Variants in SPAG16 observed in about 807,000 individuals in gnomAD.
The protein encoded by SPAG16 is sperm associated antigen 16.
In SPAG16, 86 loss-of-function variants were observed where a neutral mutation model predicts 80.4. The ratio of observed to expected loss-of-function variants is 1.07; its 90% CI spans 0.90 to 1.28. SPAG16 has a LOEUF of 1.28. Among genes scored for constraint, SPAG16 ranks in the 50% most tolerant of loss-of-function variants. The pLI is 0.00. For synonymous variants in SPAG16, 294 were observed against 265.9 expected, an observed-to-expected ratio of 1.11 and a Z score of -1.03; for missense variants, 870 against 765.3, an observed-to-expected ratio of 1.14 and a Z score of -1.61.
At chr2:213,629,939 T>A (rs1224106638) in intron 10 of SPAG16, among the ~76,000 whole-genome samples, 1 of 152,216 alleles carries the variant, frequency 6.6e-6, no homozygotes. Flanking sequence ...CTTCAGAAAC[T>A]CCATCTTCTT....
intron 15 of SPAG16, among the ~76,000 whole-genome samples, chr2:214,364,552 C>T (rs969144689): frequency 3.9e-5 from 6 of 152,034 alleles, no homozygotes; most frequent in African/African-American, 9.7e-5. Flanking sequence ...GTATCCTCAC[C>T]GTCTTTGCAA....
intron 12 of SPAG16, among the ~76,000 whole-genome samples, chr2:213,948,703 A>G (rs1220619596): frequency 6.6e-6 from 1 of 152,116 alleles, no homozygotes; most frequent in African/African-American, 2.4e-5. Flanking sequence ...AAATTACTCC[A>G]TGGAGCCCCT....
rs146333971 is a variant in SPAG16, at chr2:214,108,933, C to T, written c.1593+672C>T. On this transcript the variant is annotated intron_variant, in intron 14 of 15. Transcript: ENST00000331683. ...AATGTATCCCTCCAAGTTTATGTGT[C>T]GCAAACTTAATCCCCAATGCAAGAG... Among the ~76,000 whole-genome samples, 78 of 152,234 alleles carry T rather than the reference C, an allele frequency of 5.1e-4. 1 individual carries two copies. The highest frequency in any genetic ancestry group is 1.7e-3 in the African/African-American group (70 of 41,536).
chr2:213,366,898 AT>A (rs776787059), intron 8 of SPAG16, among the ~76,000 whole-genome samples: 51 of 152,036 alleles, frequency 3.4e-4, no homozygotes, highest in Non-Finnish European at 1.2e-4. Context: ...TTAACTCATC[AT>A]TTACATTAGA....
chr2:213,723,411 G>A (rs1442232313), intron 10 of SPAG16, among the ~76,000 whole-genome samples: 1 of 152,094 alleles, frequency 6.6e-6, no homozygotes, highest in African/African-American at 2.4e-5. Flanking sequence ...TCCATGCTAC[G>A]CCTTCTGTCT....
chr2:213,447,293 C>T (rs2071378274), intron 9 of SPAG16, among the ~76,000 whole-genome samples: 2 of 152,278 alleles, frequency 1.3e-5, no homozygotes, highest in South Asian at 2.1e-4. Context: ...GGGCATTACC[C>T]CCACAAGGCC....
At chr2:213,631,702 G>A (rs779548699) in intron 10 of SPAG16, among the ~76,000 whole-genome samples, 18 of 152,126 alleles carry the variant, frequency 1.2e-4, no homozygotes, top group Admixed American at 4.6e-4. Context: ...TTCTGCTTAC[G>A]GATATCTGGT....
intron 10 of SPAG16, among the ~76,000 whole-genome samples, chr2:213,519,397 T>C (rs1324549758): frequency 2.0e-5 from 3 of 152,190 alleles, no homozygotes; most frequent in South Asian, 2.1e-4. Context: ...AATTGAATCA[T>C]GGGGGCAGGT....
intron 10 of SPAG16, among the ~76,000 whole-genome samples, chr2:213,704,485 C>T (rs1282997967): frequency 2.0e-5 from 3 of 152,168 alleles, no homozygotes; most frequent in Non-Finnish European, 2.9e-5. Flanking sequence ...CTCTGCTACT[C>T]TGTCTCTCAA....
intron 10 of SPAG16, among the ~76,000 whole-genome samples, chr2:213,686,254 G>A (rs1215246708): frequency 6.6e-6 from 1 of 152,126 alleles, no homozygotes; most frequent in African/African-American, 2.4e-5. Context: ...GAGCAGCTGG[G>A]ACTATAGGTG....
chr2:214,106,674 C>T (rs2053399897), intron 13 of SPAG16, among the ~76,000 whole-genome samples: 1 of 139,378 alleles, frequency 7.2e-6, no homozygotes, highest in Non-Finnish European at 1.7e-5. Flanking sequence ...GATGATCTAC[C>T]TTTGGTAGCT....
At chr2:213,724,782 AAAAAAAAAAAAAAAAAAAAG>A (rs2066684784) in intron 10 of SPAG16, among the ~76,000 whole-genome samples, 1 of 131,086 alleles carries the variant, frequency 7.6e-6, no homozygotes, top group African/African-American at 3.0e-5. Flanking sequence ...GTCTCAAAAA[AAAAAAAAAAAAAAAAAAAAG>A]AAAAAAGGAT....
At chr2:213,486,045 C>T (rs1313969104) in intron 9 of SPAG16, among the ~76,000 whole-genome samples, 4 of 152,118 alleles carry the variant, frequency 2.6e-5, no homozygotes, top group African/African-American at 7.3e-5. Flanking sequence ...AGGTACCCAT[C>T]ACCTTAAATG....
intron 10 of SPAG16, among the ~76,000 whole-genome samples, chr2:213,667,648 A>G (rs1242058073): frequency 6.6e-6 from 1 of 152,228 alleles, no homozygotes; most frequent in Non-Finnish European, 1.5e-5. Context: ...TATTGACCAC[A>G]TTAGATATCA....
intron 10 of SPAG16, among the ~76,000 whole-genome samples, chr2:213,803,422 G>A (rs757812795): frequency 4.6e-5 from 7 of 152,154 alleles, no homozygotes; most frequent in Non-Finnish European, 1.0e-4. Flanking sequence ...TGAGAAGGGA[G>A]TGAGAGACAG....
intron 10 of SPAG16, among the ~76,000 whole-genome samples, chr2:213,782,669 C>A (rs959954632): frequency 6.6e-6 from 1 of 152,070 alleles, no homozygotes; most frequent in Admixed American, 6.6e-5. Context: ...GTAGGTTTTA[C>A]CACATTTTAC....
chr2:213,702,734 T>G (rs181841383), intron 10 of SPAG16, among the ~76,000 whole-genome samples: 1 of 152,312 alleles, frequency 6.6e-6, no homozygotes, highest in Admixed American at 6.5e-5. Flanking sequence ...GGAGTGTAAT[T>G]TGACACATTA....
intron 8 of SPAG16, among the ~76,000 whole-genome samples, chr2:213,369,534 T>A (rs12619432): frequency 6.6e-6 from 1 of 151,976 alleles, no homozygotes; most frequent in Non-Finnish European, 1.5e-5. Flanking sequence ...ATAATTTACC[T>A]ACAATAAAAT....
chr2:213,908,707 A>G (rs1196280122), intron 11 of SPAG16, among the ~76,000 whole-genome samples: 1 of 151,412 alleles, frequency 6.6e-6, no homozygotes, highest in Non-Finnish European at 1.5e-5. Flanking sequence ...GAACACTTGG[A>G]TATAGTCACT....
Sources: gnomAD v4.1 joint callset for allele counts (sites outside exome capture counted in the v4.1 genomes callset) on GRCh38, gnomAD v4.1.1 for gene constraint, MANE v1.5 for transcripts, NCBI Gene and HGNC (gene_info 2026-07-23, HGNC 2026-07-21) for gene names.